The following NAALADL2 variants were observed in gnomAD, a reference collection of about 807,000 sequenced individuals.
NAALADL2 encodes N-acetylated alpha-linked acidic dipeptidase like 2, also known as inactive N-acetylated-alpha-linked acidic dipeptidase-like protein 2.
Under a neutral mutation model 87.2 loss-of-function variants are expected in NAALADL2, and 76 were observed. That is an observed-to-expected ratio of 0.87 (90% confidence interval 0.72 to 1.05). NAALADL2 has a LOEUF of 1.05. Among genes scored for constraint, NAALADL2 ranks in the 50% least tolerant of loss-of-function variants. The pLI, the probability that NAALADL2 is intolerant of heterozygous loss-of-function variation, is 0.00. For synonymous variants in NAALADL2, 354 were observed against 331.0 expected, an observed-to-expected ratio of 1.07 and a Z score of -0.75; for missense variants, 1,089 against 945.8, an observed-to-expected ratio of 1.15 and a Z score of -1.99.
chr3:174,468,384 CT>C (rs67829845), intron 1 of NAALADL2, among the ~76,000 whole-genome samples: 135 of 132,692 alleles, frequency 1.0e-3, no homozygotes, highest in Middle Eastern at 4.0e-3. Flanking sequence ...CTTTCTTTTT[CT>C]TTTTTTTTTT....
rs1037930615 is a variant in NAALADL2 at position 175,598,884 on chromosome 3, G to A, written c.1800+22697G>A. Among the ~76,000 whole-genome samples the A allele has an allele frequency of 2.6e-5, 4 of 152,076 alleles. No homozygotes were observed. The East Asian group carries it at 7.7e-4, about 29-fold the overall frequency. On this transcript the variant is annotated intron_variant, in intron 10 of 13. Coordinates refer to ENST00000454872, the MANE Select transcript of NAALADL2 (RefSeq NM_207015.3). ...CTCTTAAAAATTCCCCTGGACACTC[G>A]TTTAGTTGAGTTTTGTAGTAAGAGC...
chr3:175,626,738 A>G (rs1322245030), intron 10 of NAALADL2, among the ~76,000 whole-genome samples: 1 of 151,838 alleles, frequency 6.6e-6, no homozygotes, highest in Non-Finnish European at 1.5e-5. Context: ...TAACATCTTC[A>G]TGAGTTTTGC....
intron 9 of NAALADL2, among the ~76,000 whole-genome samples, chr3:175,549,029 G>T (rs186552217): frequency 6.6e-6 from 1 of 152,024 alleles, no homozygotes; most frequent in Admixed American, 6.6e-5. Context: ...TGCAATCTAA[G>T]AAATTCAAGC....
chr3:174,813,517 G>A (rs1252547310), intron 3 of NAALADL2, among the ~76,000 whole-genome samples: 2 of 152,204 alleles, frequency 1.3e-5, no homozygotes, highest in African/African-American at 4.8e-5. Context: ...GTTATACCAT[G>A]TAGTTTAGGT....
intron 2 of NAALADL2, among the ~76,000 whole-genome samples, chr3:174,680,605 A>G (rs2108825127): frequency 6.6e-6 from 1 of 152,354 alleles, no homozygotes; most frequent in Middle Eastern, 3.4e-3. Context: ...ATGGAAAAGA[A>G]GTGTTATTTT....
chr3:175,749,161 G>A (rs1445485983), intron 12 of NAALADL2, among the ~76,000 whole-genome samples: 1 of 107,842 alleles, frequency 9.3e-6, no homozygotes, highest in Admixed American at 9.2e-5. Context: ...GGAGGGGAGG[G>A]GAAGGGAGGG....
chr3:175,234,677 A>G (rs1295127894), intron 3 of NAALADL2, among the ~76,000 whole-genome samples: 2 of 152,104 alleles, frequency 1.3e-5, no homozygotes, highest in Non-Finnish European at 2.9e-5. Context: ...GTGATAAGCC[A>G]GGTGTGTATT....
At position 174,560,377 on chromosome 3, in the gene NAALADL2, G is replaced by GA. The variant is rs145924972; in HGVS notation, c.-115+9744dup. Among the ~76,000 whole-genome samples, 236 of 152,254 alleles carry GA rather than the reference G, an allele frequency of 1.6e-3. 2 individuals are homozygous for GA. The highest frequency in any genetic ancestry group is 5.5e-3 in the African/African-American group (227 of 41,554). ...ACAGACTAGGACTTGATAATTTAGAGAAAATGAGTAACTTGTAAATGTCTG... is the reference window on the plus strand; with the variant it reads ...ACAGACTAGGACTTGATAATTTAGAGAAAAATGAGTAACTTGTAAATGTCTG... On this transcript the variant is annotated intron_variant, in intron 2 of 3. Coordinates refer to the NAALADL2 transcript ENST00000434257.
chr3:175,269,139 A>G (rs369171951), intron 4 of NAALADL2, among the ~76,000 whole-genome samples: 7 of 151,850 alleles, frequency 4.6e-5, no homozygotes, highest in African/African-American at 1.7e-4. Flanking sequence ...GGATTTCACC[A>G]TGTTGACCGG....
At chr3:175,252,349 T>C (rs1560234912) in intron 3 of NAALADL2, among the ~76,000 whole-genome samples, 1 of 152,198 alleles carries the variant, frequency 6.6e-6, no homozygotes, top group Non-Finnish European at 1.5e-5. Flanking sequence ...CTGTGATCAG[T>C]AATCTCAGAT....
At chr3:175,656,405 A>G (rs1159237167) in intron 11 of NAALADL2, among the ~76,000 whole-genome samples, 2 of 152,144 alleles carry the variant, frequency 1.3e-5, no homozygotes, top group Non-Finnish European at 2.9e-5. Flanking sequence ...AGATCTAATT[A>G]TTTATGCTTT....
At chr3:175,036,325 T>C (rs751795390) in intron 1 of NAALADL2, among the ~76,000 whole-genome samples, 1 of 152,182 alleles carries the variant, frequency 6.6e-6, no homozygotes, top group Non-Finnish European at 1.5e-5. Context: ...AAAATAATAC[T>C]GACTTTTAAT....
In NAALADL2 at chr3:175,280,477, G is replaced by C. The variant is rs1754150129; in HGVS notation, c.939+23947G>C. Among the ~76,000 whole-genome samples, 4 of 152,086 alleles carry C rather than the reference G, an allele frequency of 2.6e-5. No homozygotes were observed. The South Asian group carries it at 8.3e-4, about 31-fold the overall frequency. ...ACATTATACATTCGTAGTAAACTGT[G>C]TTGGGAAGAAATCCTATTGCACCCT... is the stretch of plus-strand genomic sequence containing the variant. On this transcript the variant is annotated intron_variant, in intron 4 of 13. Transcript: ENST00000454872.
rs546834004 is a variant in NAALADL2, at chr3:175,536,900, T to A, written c.1654-39141T>A. ...TGGAGCCTGAGGCAGGAGAATGGCG[T>A]GAACCCGGGAGGCGGAGCTTGCAAT... On this transcript the variant is annotated intron_variant, in intron 9 of 13. Transcript: ENST00000454872. 4.4e-3 allele frequency among the ~76,000 whole-genome samples: 669 copies of A among 152,238 alleles called. 4 individuals are homozygous for A. Among genetic ancestry groups the A allele is most frequent in the African/African-American group, 0.015 (641 of 41,538 alleles).
At chr3:175,040,498 T>C (rs1753941370) in intron 1 of NAALADL2, among the ~76,000 whole-genome samples, 1 of 152,154 alleles carries the variant, frequency 6.6e-6, no homozygotes, top group African/African-American at 2.4e-5. Context: ...GTCAGTGCAG[T>C]GTAAGGGACA....
chr3:174,441,218 C>T (rs979323249), intron 1 of NAALADL2, among the ~76,000 whole-genome samples: 2 of 151,890 alleles, frequency 1.3e-5, no homozygotes, highest in South Asian at 4.1e-4. Flanking sequence ...GTACGGGGGC[C>T]GAGGGGCGCC....
At chr3:175,085,732 AC>A (rs1718760666) in intron 1 of NAALADL2, among the ~76,000 whole-genome samples, 3 of 152,168 alleles carry the variant, frequency 2.0e-5, no homozygotes, top group South Asian at 2.1e-4. Context: ...ATCCTGGCCA[AC>A]ATGGTGAAAC....
intron 9 of NAALADL2, among the ~76,000 whole-genome samples, chr3:175,510,275 A>G (rs1477847204): frequency 6.6e-6 from 1 of 151,656 alleles, no homozygotes; most frequent in African/African-American, 2.4e-5. Context: ...TGATTCAATT[A>G]CCTCCCACCA....
intron 3 of NAALADL2, among the ~76,000 whole-genome samples, chr3:174,785,269 T>C (rs1261045694): frequency 6.6e-6 from 1 of 152,186 alleles, no homozygotes; most frequent in Non-Finnish European, 1.5e-5. Context: ...GCAAAAATAA[T>C]TGTGGTTTTT....
Sources: allele counts gnomAD v4.1 joint callset (sites outside exome capture counted in the v4.1 genomes callset), GRCh38; gene constraint gnomAD v4.1.1; transcripts MANE v1.5; gene names NCBI Gene and HGNC (gene_info 2026-07-23, HGNC 2026-07-21).